Variants in DCC observed in about 807,000 individuals in gnomAD.
DCC encodes DCC netrin 1 receptor.
DCC carries 58 observed loss-of-function variants against 172.5 expected under a neutral mutation model. That is an observed-to-expected ratio of 0.34 (90% CI 0.27 to 0.42). The LOEUF (loss-of-function observed/expected upper bound fraction) is 0.42. Ranked by LOEUF, DCC falls within the 10% of genes least tolerant of loss-of-function variation. DCC has a pLI of 1.00. For synonymous variants in DCC, 709 were observed against 644.5 expected, an observed-to-expected ratio of 1.10 and a Z score of -1.52; for missense variants, 1,740 against 1,791.0, an observed-to-expected ratio of 0.97 and a Z score of 0.51.
At chr18:53,410,966 A>T (rs11873595) in intron 20 of DCC, among the ~76,000 whole-genome samples, 65,539 of 151,900 alleles carry the variant, frequency 0.43, 15,957 homozygotes, top group Non-Finnish European at 0.56. Context: ...GATAAAAATT[A>T]AAATGTATTG....
At chr18:52,535,393 ATTG>A (rs1262962214) in intron 1 of DCC, among the ~76,000 whole-genome samples, 3 of 152,158 alleles carry the variant, frequency 2.0e-5, no homozygotes, top group Non-Finnish European at 4.4e-5. Context: ...GAAAAGAACA[ATTG>A]TTGTAATCCT....
At chr18:52,837,770 C>A (rs1843769461) in intron 2 of DCC, among the ~76,000 whole-genome samples, 1 of 152,148 alleles carries the variant, frequency 6.6e-6, no homozygotes, top group Non-Finnish European at 1.5e-5. Flanking sequence ...ATTTATGATA[C>A]CAATTTACTG....
intron 1 of DCC, among the ~76,000 whole-genome samples, chr18:52,605,919 T>A (rs960642776): frequency 6.6e-6 from 1 of 152,104 alleles, no homozygotes; most frequent in African/African-American, 2.4e-5. Flanking sequence ...GTAATTGTCG[T>A]ATCAATTAAG....
intron 14 of DCC, among the ~76,000 whole-genome samples, chr18:53,335,042 T>G (rs2057576263): frequency 6.6e-6 from 1 of 152,208 alleles, no homozygotes; most frequent in African/African-American, 2.4e-5. Flanking sequence ...TATACTATTG[T>G]ACATTCCTAC....
At chr18:53,462,945 T>A (rs1367361521) in intron 24 of DCC, among the ~76,000 whole-genome samples, 1 of 152,258 alleles carries the variant, frequency 6.6e-6, no homozygotes, top group African/African-American at 2.4e-5. Flanking sequence ...TGGCCCTCTC[T>A]CAACCTTGCT....
chr18:52,617,268 G>A lies in DCC; in HGVS notation c.92-134786G>A, dbSNP rs369537627. Among the ~76,000 whole-genome samples the A allele has an allele frequency of 1.2e-4, 19 of 152,236 alleles. 1 individual carries two copies. The highest frequency in any genetic ancestry group is 4.1e-4 in the African/African-American group (17 of 41,550). On this transcript the variant is annotated intron_variant, in intron 1 of 28. Transcript: ENST00000442544. ...AAAACAAAATAAAACTTAAAAGGCA[G>A]GGGGATGGGCAAAGAGATAGAGAAT...
rs571495721 is a variant in DCC, at chr18:52,846,278, A to G, written c.413-59766A>G. 3.3e-5 allele frequency among the ~76,000 whole-genome samples: 5 copies of G among 152,140 alleles called. No individual in the cohort carries two copies. The South Asian group carries it at 8.3e-4, about 25-fold the overall frequency. Reference sequence around the variant, plus strand: ...CAGCTTCAGCCAGGCATGGTGGCACATGCCTGTAATCCCTGCACTTTGGGA... The same window carrying G: ...CAGCTTCAGCCAGGCATGGTGGCACGTGCCTGTAATCCCTGCACTTTGGGA... On this transcript the variant is annotated intron_variant, in intron 2 of 28. Coordinates refer to ENST00000442544, the MANE Select transcript of DCC (RefSeq NM_005215.4).
intron 9 of DCC, among the ~76,000 whole-genome samples, chr18:53,200,122 A>T (rs2055513487): frequency 6.6e-6 from 1 of 152,180 alleles, no homozygotes. Flanking sequence ...GGGTATTGGG[A>T]TTGGCAGTAC....
chr18:52,649,444 G>C (rs1344629062), intron 1 of DCC, among the ~76,000 whole-genome samples: 2 of 147,798 alleles, frequency 1.4e-5, no homozygotes, highest in East Asian at 3.9e-4. Flanking sequence ...TTTTTTATAT[G>C]TGTAAATTTA....
chr18:53,056,042 GA>G (rs1238969361), intron 5 of DCC, among the ~76,000 whole-genome samples: 8 of 152,176 alleles, frequency 5.3e-5, no homozygotes, highest in Middle Eastern at 3.4e-3. Flanking sequence ...TATTTATAAA[GA>G]ATATTTTTCC....
At chr18:53,328,962 T>C (rs1016484978) in intron 14 of DCC, among the ~76,000 whole-genome samples, 2 of 152,188 alleles carry the variant, frequency 1.3e-5, no homozygotes, top group East Asian at 3.9e-4. Context: ...CTTTGTTGTC[T>C]ACATTTAGGG....
chr18:52,937,569 G>T (rs988069005), intron 5 of DCC, among the ~76,000 whole-genome samples: 1 of 152,088 alleles, frequency 6.6e-6, no homozygotes, highest in Admixed American at 6.6e-5. Context: ...AGGTGCAGTG[G>T]CGTGATCTCT....
intron 1 of DCC, among the ~76,000 whole-genome samples, chr18:52,707,488 A>G (rs1568054575): frequency 2.0e-5 from 3 of 152,236 alleles, no homozygotes; most frequent in African/African-American, 7.2e-5. Flanking sequence ...ATATGATCCA[A>G]CAATCTCACT....
intron 12 of DCC, among the ~76,000 whole-genome samples, chr18:53,273,177 C>T (rs2056767194): frequency 6.6e-6 from 1 of 152,112 alleles, no homozygotes; most frequent in South Asian, 2.1e-4. Context: ...ATATTTAAGA[C>T]ATCACAATCT....
chr18:52,900,458 A>G (rs1480626261), intron 2 of DCC, among the ~76,000 whole-genome samples: 1 of 152,204 alleles, frequency 6.6e-6, no homozygotes, highest in African/African-American at 2.4e-5. Flanking sequence ...TCTCTTGCTA[A>G]TAGCACCCAA....
intron 5 of DCC, among the ~76,000 whole-genome samples, chr18:53,025,164 G>A (rs1172870984): frequency 6.6e-6 from 1 of 152,116 alleles, no homozygotes; most frequent in Non-Finnish European, 1.5e-5. Flanking sequence ...AATGATGTAT[G>A]AGGATTTACT....
intron 5 of DCC, among the ~76,000 whole-genome samples, chr18:52,952,598 T>A (rs1396452213): frequency 6.6e-6 from 1 of 152,208 alleles, no homozygotes. Flanking sequence ...GTACCCCCTT[T>A]TGTCTGTATA....
intron 1 of DCC, among the ~76,000 whole-genome samples, chr18:52,373,646 G>GCTCTCT (rs141648623): frequency 6.7e-6 from 1 of 150,138 alleles, no homozygotes; most frequent in South Asian, 2.1e-4. Context: ...GAAGGTTAGA[G>GCTCTCT]CTCTCTCTCT....
At chr18:52,659,712 A>T (rs2035320630) in intron 1 of DCC, among the ~76,000 whole-genome samples, 1 of 152,058 alleles carries the variant, frequency 6.6e-6, no homozygotes, top group Admixed American at 6.5e-5. Flanking sequence ...GAACCACTGA[A>T]CCCAATACAT....
Sources: allele counts gnomAD v4.1 joint callset (sites outside exome capture counted in the v4.1 genomes callset), GRCh38; gene constraint gnomAD v4.1.1; transcripts MANE v1.5; gene names NCBI Gene and HGNC (gene_info 2026-07-23, HGNC 2026-07-21).